ICAM2: variants seen among roughly 807,000 people sequenced by gnomAD.
The protein encoded by ICAM2 is intercellular adhesion molecule 2.
A neutral mutation model predicts 19.1 loss-of-function variants in ICAM2; 14 were observed. The ratio of observed to expected loss-of-function variants is 0.73; its 90% CI spans 0.48 to 1.15. The LOEUF (loss-of-function observed/expected upper bound fraction) is 1.15, where lower values mean the gene tolerates loss of function less well. Among genes scored for constraint, ICAM2 ranks in the 50% most tolerant of loss-of-function variants. The probability of loss-of-function intolerance (pLI) is 0.00; values close to 1 mark genes in which losing one functional copy is unlikely to be tolerated. For missense variants in ICAM2, 311 were observed against 355.4 expected (o/e 0.88, Z 1.00); for synonymous variants, 153 against 152.7 (o/e 1.00, Z -0.01).
chr17:64,006,679 C>T lies in ICAM2; in HGVS notation c.13G>A (p.Gly5Ser), dbSNP rs752187014. The change falls in exon 2 of 5, where the codon GGT becomes AGT. Residue 5 changes from glycine to serine, a missense_variant. Gly to Ser is a moderately conservative substitution (Grantham distance 56). Transcript: ENST00000579788. ...AGGGCCACAGTCAGGGTCCTGTAAC[C>T]GAAAGAGGACATCTCTGGCAGTCTC... MSSFGYRTLTVALFT... is the reference protein window; with the variant it reads MSSFSYRTLTVALFT... 41 of 1,614,034 alleles carry T rather than the reference C, an allele frequency of 2.5e-5. No individual in the cohort carries two copies. The highest frequency in any genetic ancestry group is 8.8e-5 in the South Asian group (8 of 91,082).
At chr17:64,004,346 G>A (rs1478566600) in intron 3 of ICAM2, 1 of 211,356 alleles carries the variant, frequency 4.7e-6, no homozygotes, top group Non-Finnish European at 9.6e-6. Flanking sequence ...ACTGGGCACT[G>A]GAGGAACTGA....
chr17:64,005,982 C>T (rs1911181920), intron 2 of ICAM2: 1 of 157,958 alleles, frequency 6.3e-6, no homozygotes, highest in Admixed American at 6.0e-5. Flanking sequence ...ACTTTAAATA[C>T]TGTGCTCAAT....
rs1910968681 is a variant in ICAM2, at chr17:64,003,626, C to T, written c.649+18G>A. 8.1e-6 allele frequency: 13 copies of T among 1,601,826 alleles called. No homozygotes were observed. The highest frequency in any genetic ancestry group is 1.1e-5 in the Non-Finnish European group (13 of 1,172,490). ...AGTGACTTATCACTCCCAACTCCAT[C>T]CACGGATCCCCCCTCACCATAGATC... On this transcript the variant is annotated intron_variant, in intron 4 of 4. Coordinates refer to ENST00000579788, the MANE Select transcript of ICAM2 (RefSeq NM_001099789.2).
chr17:64,004,158 T>C (rs1911040584), intron 3 of ICAM2, 194 bp from the exon 4 acceptor site: 2 of 569,504 alleles, frequency 3.5e-6, no homozygotes, highest in Non-Finnish European at 3.1e-6. Context: ...TTTACAGACA[T>C]GATGGTTTCC....
chr17:64,005,400 C>A, intron 2 of ICAM2, 27 bp from the exon 3 acceptor site: 3 of 1,602,910 alleles, frequency 1.9e-6, no homozygotes. Flanking sequence ...ACTGGGCAGT[C>A]GTGTCATCCC....
At chr17:64,012,385 G>A (rs564264048) in intron 1 of ICAM2, among the ~76,000 whole-genome samples, 1 of 152,208 alleles carries the variant, frequency 6.6e-6, no homozygotes, top group South Asian at 2.1e-4. Flanking sequence ...ATCACTTGAG[G>A]TCAGGAGTTC....
chr17:64,003,307 A>G, intron 4 of ICAM2: 4 of 442,536 alleles, frequency 9.0e-6, no homozygotes, highest in Non-Finnish European at 1.6e-5. Flanking sequence ...CCGGCCGTCC[A>G]GGGTCACCAA....
chr17:64,011,205 A>C (rs750251465), intron 1 of ICAM2, among the ~76,000 whole-genome samples: 10 of 152,212 alleles, frequency 6.6e-5, no homozygotes, highest in Admixed American at 2.0e-4. Context: ...GCTTACACCC[A>C]TAATCCCAGC....
rs758262793 is a variant in ICAM2 at position 64,005,224 on chromosome 17, C to A, written c.211G>T (p.Glu71Ter). The A allele has an allele frequency of 6.2e-7, 1 of 1,614,024 alleles. No individual in the cohort carries two copies. The highest frequency in any genetic ancestry group is 1.7e-5 in the Admixed American group (1 of 60,008). Reference protein sequence around the residue: ...ETSLDKILLDEQAQWKHYLVS... With the variant: ...ETSLDKILLD The stretch of plus-strand genomic sequence containing the variant: ...AAGTAATGTTTCCACTGAGCCTGTT[C>A]GTCCAGCAGAATCTTATCTAGAGAG... Residue 71 changes from glutamate (E) to a stop codon, truncating the protein, a stop_gained, in exon 3 of 5, where the codon GAA becomes TAA. Coordinates refer to ENST00000579788, the MANE Select transcript of ICAM2 (RefSeq NM_001099789.2). LOFTEE classifies it high-confidence loss of function.
intron 1 of ICAM2, among the ~76,000 whole-genome samples, chr17:64,014,492 AAAGGAAGG>A (rs1162322974): frequency 1.4e-5 from 2 of 147,764 alleles, no homozygotes; most frequent in East Asian, 4.0e-4. Flanking sequence ...AGAAAGAAAG[AAAGGAAGG>A]AAGGAAGGGA....
chr17:64,018,814 C>T (rs1396245545), intron 1 of ICAM2, among the ~76,000 whole-genome samples: 2 of 149,546 alleles, frequency 1.3e-5, no homozygotes, highest in Non-Finnish European at 3.0e-5. Flanking sequence ...CTCCACCTCC[C>T]GGGTTCGAGC....
intron 2 of ICAM2, 55 bp downstream of exon 2, chr17:64,006,576 C>G: frequency 6.6e-7 from 1 of 1,508,104 alleles, no homozygotes; most frequent in Non-Finnish European, 9.2e-7. Flanking sequence ...AACAGGGCAC[C>G]CCCACCCTCT....
At chr17:64,008,994 C>A (rs1911335598) in intron 1 of ICAM2, among the ~76,000 whole-genome samples, 1 of 152,198 alleles carries the variant, frequency 6.6e-6, no homozygotes, top group Admixed American at 6.5e-5. Flanking sequence ...CCTGGGCAGG[C>A]CCTGCTTGGC....
At chr17:64,005,627 C>T (rs1911157111) in intron 2 of ICAM2, among the ~76,000 whole-genome samples, 2 of 152,148 alleles carry the variant, frequency 1.3e-5, no homozygotes, top group Non-Finnish European at 2.9e-5. Flanking sequence ...GGCTCTCCTT[C>T]CTCCAGCCCA....
intron 1 of ICAM2, 166 bp downstream of exon 1, chr17:64,020,357 G>C (rs1407936807): frequency 2.0e-5 from 3 of 152,350 alleles, no homozygotes; most frequent in African/African-American, 7.2e-5. Flanking sequence ...ACAGAGTGCA[G>C]AATGTCGAGC....
At chr17:64,006,374 T>C (rs2143198542) in intron 2 of ICAM2, 3 of 437,206 alleles carry the variant, frequency 6.9e-6, no homozygotes, top group African/African-American at 4.0e-5. Context: ...ATGGTGGCTC[T>C]CACCTGTGAT....
At chr17:64,017,989 C>T (rs1911779363) in intron 1 of ICAM2, among the ~76,000 whole-genome samples, 1 of 151,954 alleles carries the variant, frequency 6.6e-6, no homozygotes. Flanking sequence ...TTTCCATATC[C>T]TTGGGGCAAG....
chr17:64,012,985 A>T (rs1911514736), intron 1 of ICAM2, among the ~76,000 whole-genome samples: 1 of 152,220 alleles, frequency 6.6e-6, no homozygotes, highest in Admixed American at 6.5e-5. Context: ...TTAAAATTGT[A>T]TAAAAACAAT....
rs1187209016 is a variant in ICAM2, at chr17:64,014,330, G to GGAAAGAAAGAAA, written c.-45+6181_-45+6192dup. Among the ~76,000 whole-genome samples, 24 of 31,148 alleles carry GGAAAGAAAGAAA rather than the reference G, an allele frequency of 7.7e-4. 1 individual carries two copies. Among genetic ancestry groups the GGAAAGAAAGAAA allele is most frequent in the African/African-American group, 2.5e-3 (23 of 9,162 alleles). The allele number at this position is 31,148 out of a possible 152,430, so 20.4% of individuals were successfully genotyped here. ...CTGAAAGAAGGAAGGAAGGAAGGAAGGAAAGAAAGAAAGAAAGAAAGAAAG... is the reference window on the plus strand; with the variant it reads ...CTGAAAGAAGGAAGGAAGGAAGGAAGGAAAGAAAGAAAGAAAGAAAGAAAGAAAGAAAGAAAG... On this transcript the variant is annotated intron_variant, in intron 1 of 4. Transcript: ENST00000579788.
Sources: gnomAD v4.1 joint callset for allele counts (sites outside exome capture counted in the v4.1 genomes callset) on GRCh38, gnomAD v4.1.1 for gene constraint, MANE v1.5 for transcripts, NCBI Gene and HGNC (gene_info 2026-07-23, HGNC 2026-07-21) for gene names.